BCAS3: variants seen among roughly 807,000 people sequenced by gnomAD.
The protein encoded by BCAS3 is BCAS3 microtubule associated cell migration factor.
In BCAS3, 53 loss-of-function variants were observed where a neutral mutation model predicts 116.1. The observed-to-expected ratio is 0.46, with a 90% CI of 0.37 to 0.57. The LOEUF (loss-of-function observed/expected upper bound fraction) is 0.57, where lower values mean the gene tolerates loss of function less well. Ranked by LOEUF, BCAS3 falls within the 20% of genes least tolerant of loss-of-function variation. The pLI is 0.00. For missense variants in BCAS3, 917 were observed against 1,165.4 expected, an observed-to-expected ratio of 0.79 and a Z score of 3.10; for synonymous variants, 391 against 408.2, an observed-to-expected ratio of 0.96 and a Z score of 0.51.
At chr17:61,024,301 A>G (rs1229848121) in intron 16 of BCAS3, among the ~76,000 whole-genome samples, 1 of 152,210 alleles carries the variant, frequency 6.6e-6, no homozygotes, top group East Asian at 1.9e-4. Flanking sequence ...TCTAGCTTGT[A>G]GGACTAGGCC....
At position 61,138,235 on chromosome 17, in the gene BCAS3, A is replaced by G. The variant is rs543393661; in HGVS notation, c.2425+53671A>G. On this transcript the variant is annotated intron_variant, in intron 22 of 23. Coordinates refer to ENST00000407086, the MANE Select transcript of BCAS3 (RefSeq NM_017679.5). ...TTTCATTTAATTTTAATTGATTTAAATTTAAATAGTTGATGTGGCTATTGG... is the reference window on the plus strand; with the variant it reads ...TTTCATTTAATTTTAATTGATTTAAGTTTAAATAGTTGATGTGGCTATTGG... 4.1e-4 allele frequency among the ~76,000 whole-genome samples: 62 copies of G among 152,340 alleles called. 1 individual carries two copies. Among genetic ancestry groups the G allele is most frequent in the Admixed American group, 1.2e-3 (18 of 15,308 alleles).
intron 6 of BCAS3, among the ~76,000 whole-genome samples, chr17:60,793,499 A>G (rs2046953085): frequency 1.3e-5 from 2 of 152,122 alleles, no homozygotes; most frequent in Non-Finnish European, 2.9e-5. Flanking sequence ...TGATGCACCC[A>G]TCACCTGAGC....
chr17:60,748,312 C>CAA (rs1467367375), intron 6 of BCAS3, among the ~76,000 whole-genome samples: 1 of 152,166 alleles, frequency 6.6e-6, no homozygotes, highest in Non-Finnish European at 1.5e-5. Flanking sequence ...CAGTATCTTG[C>CAA]AGTCACATGT....
rs371727916 is a variant in BCAS3 at position 60,921,178 on chromosome 17, G to A, written c.994-3229G>A. 5.9e-5 allele frequency among the ~76,000 whole-genome samples: 9 copies of A among 152,092 alleles called. No individual in the cohort carries two copies. In the East Asian group the frequency reaches 9.6e-4, roughly 16 times the overall value. ...TCAGCCTAAGTGCCCGCCAGCAGTGGATTCAATAAAGGAAATGTGCTATTC... is the reference window on the plus strand; with the variant it reads ...TCAGCCTAAGTGCCCGCCAGCAGTGAATTCAATAAAGGAAATGTGCTATTC... On this transcript the variant is annotated intron_variant, in intron 12 of 23. Coordinates refer to ENST00000407086, the MANE Select transcript of BCAS3 (RefSeq NM_017679.5).
At chr17:61,202,104 C>CTTT (rs2080869238) in intron 22 of BCAS3, among the ~76,000 whole-genome samples, 1 of 115,286 alleles carries the variant, frequency 8.7e-6, no homozygotes. Context: ...GTGCCAGACA[C>CTTT]TATTCCAGGT....
In BCAS3 at chr17:61,199,724, A is replaced by C. The variant is rs1052724308; in HGVS notation, c.2425+115160A>C. Among the ~76,000 whole-genome samples, 5 of 146,628 alleles carry C rather than the reference A, an allele frequency of 3.4e-5. No homozygotes were observed. Among genetic ancestry groups the C allele is most frequent in the African/African-American group, 9.7e-5 (4 of 41,088 alleles). ...GCAGTGACAGCTTAATTTTGATAGG[A>C]TCCCTATGATCTTTGTAAGCGTATT... On this transcript the variant is annotated intron_variant, in intron 22 of 23. Coordinates refer to ENST00000407086, the MANE Select transcript of BCAS3 (RefSeq NM_017679.5). This position sits in a 1 kb window ranked among gnomAD's most constrained non-coding sequence, Gnocchi z 4.6.
chr17:61,085,211 C>T (rs1378710347), intron 22 of BCAS3, among the ~76,000 whole-genome samples: 1 of 152,174 alleles, frequency 6.6e-6, no homozygotes, highest in Non-Finnish European at 1.5e-5. Flanking sequence ...ATTTTCTCGT[C>T]TCTAAGTCAA....
intron 4 of BCAS3, among the ~76,000 whole-genome samples, chr17:60,692,927 C>T (rs1281671017): frequency 6.7e-6 from 1 of 149,606 alleles, no homozygotes; most frequent in African/African-American, 2.5e-5. Flanking sequence ...AGTTCCATGT[C>T]ACCAAACTGA....
At chr17:60,699,037 G>T (rs1473592203) in intron 4 of BCAS3, among the ~76,000 whole-genome samples, 5 of 152,114 alleles carry the variant, frequency 3.3e-5, no homozygotes, top group African/African-American at 7.2e-5. Context: ...TAACCTTAGT[G>T]ACAGAGCGAG....
At chr17:61,168,449 A>T (rs945863838) in intron 22 of BCAS3, among the ~76,000 whole-genome samples, 2 of 152,236 alleles carry the variant, frequency 1.3e-5, no homozygotes, top group Non-Finnish European at 2.9e-5. Context: ...TTTATTTTTA[A>T]CAGGGACTTT....
intron 7 of BCAS3, among the ~76,000 whole-genome samples, chr17:60,832,980 A>G (rs2051068449): frequency 6.6e-6 from 1 of 152,240 alleles, no homozygotes; most frequent in Non-Finnish European, 1.5e-5. Flanking sequence ...CTTTAAAGGC[A>G]GTGTTTCTAT....
At position 61,037,904 on chromosome 17, in the gene BCAS3, T is replaced by A; in HGVS notation, c.1778T>A (p.Val593Asp). 6.2e-7 allele frequency: 1 copy of A among 1,613,862 alleles called. No homozygotes were observed. ...CTGTTTGTAGATCAGTCCAAACAAG[T>A]TGTAGTTGAGTCCCTGTACATTATC... Reference protein sequence around the residue: ...LKREKDQSKQVVVESLYIISC... With the variant: ...LKREKDQSKQDVVESLYIISC... Residue 593 changes from valine to aspartate, a missense_variant, in exon 18 of 24, where the codon GTT (valine) becomes GAT (aspartate). Val to Asp is a radical substitution (Grantham distance 152). Transcript: ENST00000407086. The surrounding 1 kb of genome is among the most constrained non-coding windows in gnomAD (Gnocchi z 4.7).
intron 22 of BCAS3, among the ~76,000 whole-genome samples, chr17:61,287,092 C>CA (rs1200155894): frequency 1.3e-5 from 2 of 151,864 alleles, no homozygotes; most frequent in East Asian, 1.9e-4. Context: ...ACTAAAAATA[C>CA]AAAAAATTAG....
chr17:61,104,380 G>A lies in BCAS3; in HGVS notation c.2425+19816G>A, dbSNP rs1400948293. ...TATAACTTTTTCATCTTGTATAACTGAATAAAGAAAATTTTTTATTGAAAT... is the reference window on the plus strand; with the variant it reads ...TATAACTTTTTCATCTTGTATAACTAAATAAAGAAAATTTTTTATTGAAAT... On this transcript the variant is annotated intron_variant, in intron 22 of 23. Transcript: ENST00000407086. The surrounding 1 kb of genome is among the most constrained non-coding windows in gnomAD (Gnocchi z 4.1). Among the ~76,000 whole-genome samples the A allele has an allele frequency of 2.6e-5, 4 of 152,058 alleles. No individual in the cohort carries two copies. The highest frequency in any genetic ancestry group is 4.4e-5 in the Non-Finnish European group (3 of 68,014).
chr17:60,826,676 A>G (rs2050457423), intron 7 of BCAS3, among the ~76,000 whole-genome samples: 2 of 152,192 alleles, frequency 1.3e-5, no homozygotes. Flanking sequence ...TTCATGTAGC[A>G]ATGTTGCAAA....
intron 4 of BCAS3, among the ~76,000 whole-genome samples, chr17:60,699,775 A>G (rs1270052921): frequency 2.0e-5 from 3 of 151,898 alleles, no homozygotes; most frequent in Non-Finnish European, 4.4e-5. Context: ...TGTTTTAAAA[A>G]GAGCAGTTGG....
At chr17:60,683,118 C>T (rs1049609378) in intron 2 of BCAS3, among the ~76,000 whole-genome samples, 6 of 151,966 alleles carry the variant, frequency 3.9e-5, no homozygotes, top group African/African-American at 1.5e-4. Flanking sequence ...TTTTCTATAC[C>T]AAAAGTTCTG....
At chr17:60,734,681 C>G (rs1467772852) in intron 5 of BCAS3, among the ~76,000 whole-genome samples, 2 of 152,164 alleles carry the variant, frequency 1.3e-5, no homozygotes, top group South Asian at 2.1e-4. Context: ...TCCCATTGAT[C>G]TAATTATCTA....
At chr17:60,764,820 T>G (rs1262182221) in intron 6 of BCAS3, among the ~76,000 whole-genome samples, 1 of 152,190 alleles carries the variant, frequency 6.6e-6, no homozygotes, top group East Asian at 1.9e-4. Context: ...ATTATTATTG[T>G]GTGGGAGTCT....
Sources: gnomAD v4.1 joint callset for allele counts (sites outside exome capture counted in the v4.1 genomes callset) on GRCh38, gnomAD v4.1.1 for gene constraint, Gnocchi (gnomAD v3.1) non-coding constraint, MANE v1.5 for transcripts, NCBI Gene and HGNC (gene_info 2026-07-23, HGNC 2026-07-21) for gene names.